VAV3: variants seen among roughly 807,000 people sequenced by gnomAD.
The protein encoded by VAV3 is guanine nucleotide exchange factor VAV3.
Under a neutral mutation model 131.2 loss-of-function variants are expected in VAV3, and 94 were observed. The observed-to-expected ratio is 0.72, with a 90% CI of 0.61 to 0.85. The LOEUF is 0.85. VAV3 is among the 40% of genes least tolerant of loss of function. VAV3 has a pLI of 0.00. For synonymous variants in VAV3, 349 were observed against 342.0 expected, an observed-to-expected ratio of 1.02 and a Z score of -0.22; for missense variants, 939 against 1,002.7, an observed-to-expected ratio of 0.94 and a Z score of 0.86.
chr1:107,586,551 G>C (rs765702487), intron 25 of VAV3, among the ~76,000 whole-genome samples: 9 of 152,160 alleles, frequency 5.9e-5, no homozygotes, highest in Admixed American at 3.9e-4. Context: ...GAGCCAATCA[G>C]TCAGGCAATA....
At chr1:107,877,841 A>C (rs1404866678) in intron 1 of VAV3, among the ~76,000 whole-genome samples, 1 of 152,124 alleles carries the variant, frequency 6.6e-6, no homozygotes, top group Admixed American at 6.6e-5. Flanking sequence ...ATTTGACTAA[A>C]TTAGTGCTGA....
intron 21 of VAV3, among the ~76,000 whole-genome samples, chr1:107,613,297 T>A (rs1011955267): frequency 6.6e-6 from 1 of 152,118 alleles, no homozygotes; most frequent in Non-Finnish European, 1.5e-5. Context: ...TTCTCAGGCA[T>A]TGTTTATTTG....
chr1:107,873,848 G>C (rs937717717), intron 2 of VAV3, among the ~76,000 whole-genome samples: 30 of 152,210 alleles, frequency 2.0e-4, no homozygotes, highest in African/African-American at 7.2e-4. Flanking sequence ...GTTAAGACCG[G>C]AGAGAGAACC....
intron 14 of VAV3, among the ~76,000 whole-genome samples, 157 bp from the exon 15 acceptor site, chr1:107,749,234 T>C (rs1033452906): frequency 1.3e-5 from 2 of 152,204 alleles, no homozygotes; most frequent in African/African-American, 4.8e-5. Context: ...TCTATAACAA[T>C]TTCTATGCCA....
intron 4 of VAV3, 107 bp downstream of exon 4, chr1:107,777,124 A>C: frequency 1.0e-6 from 1 of 983,154 alleles, no homozygotes; most frequent in Non-Finnish European, 1.6e-6. Flanking sequence ...TCAGTAATTA[A>C]GCCACTTTTC....
In VAV3 at chr1:107,646,830, T is replaced by C. The variant is rs200777541; in HGVS notation, c.1778-4075A>G. On this transcript the variant is annotated intron_variant, in intron 19 of 26. Coordinates refer to ENST00000370056, the MANE Select transcript of VAV3 (RefSeq NM_006113.5). ...GTTTCTGGTTAAATAAAACTAAAGC[T>C]ACATGTAGGTATGCAGAATGCTGGA... Among the ~76,000 whole-genome samples the C allele has an allele frequency of 2.2e-4, 34 of 152,076 alleles. No individual in the cohort carries two copies. In the East Asian group the frequency reaches 5.2e-3, roughly 23 times the overall value.
In VAV3 at chr1:107,941,799, A is replaced by G. The variant is rs140153799; in HGVS notation, c.204+22867T>C. 7.2e-3 allele frequency among the ~76,000 whole-genome samples: 1,104 copies of G among 152,296 alleles called. 13 individuals carry two copies. The highest frequency in any genetic ancestry group is 9.2e-3 in the Non-Finnish European group (625 of 68,028). ...TGCACCAGATATTTGATTTTCTAACATATTCCTCAATGTTTTATCATAAAA... is the reference window on the plus strand; with the variant it reads ...TGCACCAGATATTTGATTTTCTAACGTATTCCTCAATGTTTTATCATAAAA... On this transcript the variant is annotated intron_variant, in intron 1 of 26. Coordinates refer to ENST00000370056, the MANE Select transcript of VAV3 (RefSeq NM_006113.5).
intron 15 of VAV3, among the ~76,000 whole-genome samples, chr1:107,741,316 G>A (rs567338737): frequency 6.6e-6 from 1 of 152,190 alleles, no homozygotes; most frequent in Non-Finnish European, 1.5e-5. Flanking sequence ...GAATTGCTGG[G>A]TAACATGACA....
At chr1:107,646,686 A>C (rs746930189) in intron 19 of VAV3, among the ~76,000 whole-genome samples, 13 of 152,066 alleles carry the variant, frequency 8.5e-5, no homozygotes, top group Non-Finnish European at 1.6e-4. Context: ...TTTTGCTCAC[A>C]TTAGTAATTG....
chr1:107,777,222 T>C lies in VAV3; in HGVS notation c.446+9A>G, dbSNP rs770101809. On this transcript the variant is annotated intron_variant, in intron 4 of 26. Coordinates refer to ENST00000370056, the MANE Select transcript of VAV3 (RefSeq NM_006113.5). ...AGTGGCTAAATTTTGCTTGAAATTT[T>C]CAACATACTCTATTAAATCAGGAAG... is the stretch of plus-strand genomic sequence containing the variant. 5 of 1,613,466 alleles carry C rather than the reference T, an allele frequency of 3.1e-6. No homozygotes were observed. In the African/African-American group the frequency reaches 5.3e-5, roughly 17 times the overall value.
chr1:107,663,311 T>A (rs1199289170), intron 19 of VAV3, among the ~76,000 whole-genome samples: 1 of 152,132 alleles, frequency 6.6e-6, no homozygotes, highest in African/African-American at 2.4e-5. Flanking sequence ...AACTTTATAA[T>A]GAAAGAAAGA....
At chr1:107,608,925 G>C (rs1652509678) in intron 22 of VAV3, among the ~76,000 whole-genome samples, 1 of 152,142 alleles carries the variant, frequency 6.6e-6, no homozygotes, top group African/African-American at 2.4e-5. Context: ...AATAGATTCA[G>C]TCTTTTTAAG....
chr1:107,720,063 G>T (rs1661386711), intron 15 of VAV3, among the ~76,000 whole-genome samples: 1 of 152,150 alleles, frequency 6.6e-6, no homozygotes, highest in Non-Finnish European at 1.5e-5. Context: ...CTGTCGTGGG[G>T]TCGGGGGAAT....
rs1024102601 is a variant in VAV3, at chr1:107,573,210, G to A, written c.*121C>T. On this transcript the variant is annotated 3_prime_UTR_variant, in exon 27 of 27. Transcript: ENST00000370056. ...AGACTTAGGAGGGGCTAAGGAGGGAGGATGTTGAACAGCCAGAAATGCAGC... is the reference window on the plus strand; with the variant it reads ...AGACTTAGGAGGGGCTAAGGAGGGAAGATGTTGAACAGCCAGAAATGCAGC... 1 of 1,049,884 alleles carries A rather than the reference G, an allele frequency of 9.5e-7. No homozygotes were observed. The highest frequency in any genetic ancestry group is 1.6e-5 in the African/African-American group (1 of 61,884). 65.0% of individuals were successfully genotyped at this position (1,049,884 alleles called of 1,614,324 possible). A position where few individuals can be genotyped will look rare whatever the true frequency, so the allele number is the denominator to read the frequency against.
chr1:107,768,631 C>T, intron 6 of VAV3, 122 bp from the exon 7 acceptor site: 1 of 657,104 alleles, frequency 1.5e-6, no homozygotes, highest in South Asian at 2.7e-5. Flanking sequence ...ATTATAAACA[C>T]CAAAATTGTA....
intron 1 of VAV3, among the ~76,000 whole-genome samples, chr1:107,931,822 G>A (rs1015711210): frequency 2.0e-5 from 3 of 152,132 alleles, no homozygotes; most frequent in Non-Finnish European, 4.4e-5. Flanking sequence ...CCACAGATTT[G>A]GGGGTTTAGC....
At chr1:107,897,174 C>T (rs1671621954) in intron 1 of VAV3, 1 of 151,914 alleles carries the variant, frequency 6.6e-6, no homozygotes, top group Admixed American at 6.5e-5. Flanking sequence ...CCTTGCATCT[C>T]TGTTGCCTAG....
At chr1:107,935,534 C>G (rs1673663677) in intron 1 of VAV3, among the ~76,000 whole-genome samples, 2 of 152,092 alleles carry the variant, frequency 1.3e-5, no homozygotes, top group African/African-American at 4.8e-5. Context: ...GTCCTCAGTC[C>G]CTAAAATTAG....
chr1:107,617,703 A>C, intron 20 of VAV3, 71 bp from the exon 21 acceptor site: 1 of 1,333,468 alleles, frequency 7.5e-7, no homozygotes, highest in Non-Finnish European at 1.1e-6. Flanking sequence ...GATGCCCCAT[A>C]CATAGCACTG....
Sources: gnomAD v4.1 joint callset for allele counts (sites outside exome capture counted in the v4.1 genomes callset) on GRCh38, gnomAD v4.1.1 for gene constraint, MANE v1.5 for transcripts, NCBI Gene and HGNC (gene_info 2026-07-23, HGNC 2026-07-21) for gene names.